The following CALCRL variants were observed in gnomAD, a reference collection of about 807,000 sequenced individuals.
CALCRL encodes the protein calcitonin receptor like receptor, also known as calcitonin gene-related peptide type 1 receptor.
CALCRL carries 27 observed loss-of-function variants against 60.4 expected under a neutral mutation model. The observed-to-expected ratio is 0.45, with a 90% CI of 0.33 to 0.62. The LOEUF (loss-of-function observed/expected upper bound fraction) is 0.62, where lower values mean the gene tolerates loss of function less well. CALCRL is among the 20% of genes least tolerant of loss of function. CALCRL has a pLI of 0.03. For missense variants in CALCRL, 424 were observed against 540.7 expected (o/e 0.78, Z 2.14); for synonymous variants, 190 against 182.6 (o/e 1.04, Z -0.33).
chr2:187,437,246 AC>A (rs1690682579), intron 1 of CALCRL, among the ~76,000 whole-genome samples: 1 of 152,114 alleles, frequency 6.6e-6, no homozygotes, highest in African/African-American at 2.4e-5. Context: ...CATATTTAAA[AC>A]TCAGATACAT....
chr2:187,432,319 A>G (rs1690439443), intron 1 of CALCRL, among the ~76,000 whole-genome samples: 1 of 152,162 alleles, frequency 6.6e-6, no homozygotes, highest in African/African-American at 2.4e-5. Flanking sequence ...TTGAATTTTA[A>G]GAACTTGAAA....
intron 1 of CALCRL, among the ~76,000 whole-genome samples, chr2:187,426,694 T>C (rs919250880): frequency 7.9e-5 from 12 of 152,054 alleles, no homozygotes; most frequent in African/African-American, 2.7e-4. Context: ...ATGATCACCT[T>C]ACAACAATCA....
chr2:187,438,214 T>A (rs1432835210), intron 1 of CALCRL, among the ~76,000 whole-genome samples: 2 of 152,192 alleles, frequency 1.3e-5, no homozygotes, highest in Admixed American at 6.5e-5. Context: ...ATATAACTTG[T>A]GTAAAGATCC....
intron 8 of CALCRL, among the ~76,000 whole-genome samples, chr2:187,374,538 T>G (rs1687664463): frequency 6.6e-6 from 1 of 152,312 alleles, no homozygotes; most frequent in Non-Finnish European, 1.5e-5. Context: ...AAGTGTTTGC[T>G]TCAATTAGAG....
chr2:187,397,728 T>G (rs368168948), intron 1 of CALCRL, among the ~76,000 whole-genome samples: 1 of 151,746 alleles, frequency 6.6e-6, no homozygotes, highest in African/African-American at 2.4e-5. Context: ...CCAAAGTTTA[T>G]TATTCCACAC....
intron 8 of CALCRL, among the ~76,000 whole-genome samples, chr2:187,377,722 A>G (rs1487912246): frequency 6.6e-6 from 1 of 152,168 alleles, no homozygotes; most frequent in Non-Finnish European, 1.5e-5. Context: ...GGTCGAAAAT[A>G]GAGAATTGAT....
At chr2:187,374,262 G>C (rs1687650647) in intron 8 of CALCRL, among the ~76,000 whole-genome samples, 2 of 152,074 alleles carry the variant, frequency 1.3e-5, no homozygotes, top group African/African-American at 4.8e-5. Flanking sequence ...AGTTTTACTT[G>C]AAGACGGTTT....
At chr2:187,441,329 T>C (rs2105910215) in intron 1 of CALCRL, among the ~76,000 whole-genome samples, 1 of 152,146 alleles carries the variant, frequency 6.6e-6, no homozygotes, top group African/African-American at 2.4e-5. Flanking sequence ...AGAGATCTGA[T>C]TTACCAGGTT....
rs1686221342 is a variant in CALCRL at position 187,345,040 on chromosome 2, C to T, written c.*1144G>A. On this transcript the variant is annotated 3_prime_UTR_variant, in exon 15 of 15. Coordinates refer to ENST00000392370, the MANE Select transcript of CALCRL (RefSeq NM_005795.6). ...ATATCTTATGATAGATGTTTCTGTT[C>T]TCTTAGTTCTCAAACAGACTTCTGA... 6.6e-6 allele frequency: 1 copy of T among 151,978 alleles called. No homozygotes were observed. 9.4% of individuals were successfully genotyped at this position (151,978 alleles called of 1,614,324 possible). A position where few individuals can be genotyped will look rare whatever the true frequency, so the allele number is the denominator to read the frequency against.
At chr2:187,405,763 CA>C (rs1689089001) in intron 1 of CALCRL, among the ~76,000 whole-genome samples, 1 of 151,936 alleles carries the variant, frequency 6.6e-6, no homozygotes, top group Admixed American at 6.6e-5. Flanking sequence ...ACGGCTGAAA[CA>C]GTAAGAAAGA....
intron 1 of CALCRL, among the ~76,000 whole-genome samples, chr2:187,439,241 G>A (rs1690783587): frequency 6.6e-6 from 1 of 152,124 alleles, no homozygotes; most frequent in East Asian, 1.9e-4. Flanking sequence ...CCAGCATTTT[G>A]GGAGGCCAGA....
At chr2:187,444,416 G>A (rs1691071442) in intron 1 of CALCRL, among the ~76,000 whole-genome samples, 2 of 151,356 alleles carry the variant, frequency 1.3e-5, no homozygotes, top group South Asian at 4.1e-4. Flanking sequence ...TTAATTTTTA[G>A]TAATGGAAAA....
intron 1 of CALCRL, among the ~76,000 whole-genome samples, chr2:187,411,017 G>C (rs1001163695): frequency 3.3e-5 from 5 of 152,116 alleles, no homozygotes; most frequent in Admixed American, 6.5e-5. Context: ...TCTGGTGGGT[G>C]ACAGAAGAAG....
At chr2:187,418,334 G>A (rs11685426) in intron 1 of CALCRL, among the ~76,000 whole-genome samples, 41,156 of 152,010 alleles carry the variant, frequency 0.27, 6,070 homozygotes, top group Middle Eastern at 0.41. Flanking sequence ...AAAATAGAGC[G>A]TTCTAAAAAG....
chr2:187,418,922 C>T (rs1296561101), intron 1 of CALCRL, among the ~76,000 whole-genome samples: 1 of 139,094 alleles, frequency 7.2e-6, no homozygotes, highest in Non-Finnish European at 1.5e-5. Flanking sequence ...GTGGCGTGAT[C>T]TCGGCTCACT....
chr2:187,395,076 T>C (rs1688602136), intron 1 of CALCRL, among the ~76,000 whole-genome samples: 1 of 152,070 alleles, frequency 6.6e-6, no homozygotes, highest in South Asian at 2.1e-4. Flanking sequence ...TATAATTCTG[T>C]TAGTCATGGC....
At position 187,345,128 on chromosome 2, in the gene CALCRL, TAA is replaced by T. The variant is rs1202522751; in HGVS notation, c.*1054_*1055del. On this transcript the variant is annotated 3_prime_UTR_variant, in exon 15 of 15. Transcript: ENST00000392370. Reference sequence around the variant, plus strand: ...ATAGCATTCCAGACTCTATTTTATTTAAAAAATCAGCCCAGATACAGTATCAG... The same window carrying T: ...ATAGCATTCCAGACTCTATTTTATTTAAAATCAGCCCAGATACAGTATCAG... The T allele has an allele frequency of 1.3e-5, 2 of 152,162 alleles. No homozygotes were observed. The highest frequency in any genetic ancestry group is 3.0e-5 in the Non-Finnish European group (2 of 67,782). The allele number at this position is 152,162 out of a possible 1,614,324, so 9.4% of individuals were successfully genotyped here. A position where few individuals can be genotyped will look rare whatever the true frequency, so the allele number is the denominator to read the frequency against.
At chr2:187,347,062 T>A (rs10931285) in intron 14 of CALCRL, among the ~76,000 whole-genome samples, 66,799 of 151,632 alleles carry the variant, frequency 0.44, 15,761 homozygotes, top group East Asian at 0.62. Flanking sequence ...TATATTTGAA[T>A]CCTCTTCTGC....
chr2:187,355,716 G>T (rs553317920), intron 12 of CALCRL, among the ~76,000 whole-genome samples: 108 of 152,188 alleles, frequency 7.1e-4, no homozygotes, highest in African/African-American at 2.5e-3. Context: ...CAAATTGTCT[G>T]TTTGCAGATG....
Sources: allele counts gnomAD v4.1 joint callset (sites outside exome capture counted in the v4.1 genomes callset), GRCh38; gene constraint gnomAD v4.1.1; transcripts MANE v1.5; gene names NCBI Gene and HGNC (gene_info 2026-07-23, HGNC 2026-07-21).